KRT8: variants seen among roughly 807,000 people sequenced by gnomAD.
KRT8 encodes keratin, type II cytoskeletal 8.
In KRT8, 24 loss-of-function variants were observed where a neutral mutation model predicts 43.0. The ratio of observed to expected loss-of-function variants is 0.56; its 90% CI spans 0.40 to 0.78. KRT8 has a LOEUF of 0.78. KRT8 is among the 30% of genes least tolerant of loss of function. The probability of loss-of-function intolerance (pLI) is 0.00; values close to 1 mark genes in which losing one functional copy is unlikely to be tolerated. For missense variants in KRT8, 492 were observed against 638.4 expected, an observed-to-expected ratio of 0.77 and a Z score of 2.47; for synonymous variants, 214 against 261.2, an observed-to-expected ratio of 0.82 and a Z score of 1.74.
chr12:52,945,780 T>C (rs1428325999), intron 2 of KRT8, among the ~76,000 whole-genome samples: 1 of 152,080 alleles, frequency 6.6e-6, no homozygotes. Flanking sequence ...CTCATTACTC[T>C]TTGTGTCTGT....
chr12:52,934,000 C>A (rs1432401875), intron 2 of KRT8, among the ~76,000 whole-genome samples: 1 of 146,652 alleles, frequency 6.8e-6, no homozygotes, highest in Non-Finnish European at 1.5e-5. Context: ...GAGGCCGAGG[C>A]GGGTGGATCA....
At chr12:52,936,566 G>A (rs1466531949) in intron 2 of KRT8, among the ~76,000 whole-genome samples, 1 of 152,182 alleles carries the variant, frequency 6.6e-6, no homozygotes, top group Non-Finnish European at 1.5e-5. Flanking sequence ...AGGCTGGAGT[G>A]CAATGGCGCA....
At chr12:52,946,865 A>G (rs1426802241) in intron 2 of KRT8, 1 of 152,214 alleles carries the variant, frequency 6.6e-6, no homozygotes, top group Non-Finnish European at 1.5e-5. Context: ...GCTGGCTCCC[A>G]TTGAGCACTG....
intron 2 of KRT8, among the ~76,000 whole-genome samples, chr12:52,921,194 C>T (rs1372670505): frequency 6.6e-6 from 1 of 152,208 alleles, no homozygotes; most frequent in Non-Finnish European, 1.5e-5. Context: ...CCCTACAGAA[C>T]TCCAGGCAGA....
At chr12:52,900,271 G>C (rs922856013) in intron 4 of KRT8, among the ~76,000 whole-genome samples, 3 of 152,172 alleles carry the variant, frequency 2.0e-5, no homozygotes, top group Non-Finnish European at 2.9e-5. Flanking sequence ...GCAGCTCAAA[G>C]ATTAGGAACA....
chr12:52,925,752 C>A (rs944101959), intron 2 of KRT8, among the ~76,000 whole-genome samples: 1 of 152,142 alleles, frequency 6.6e-6, no homozygotes, highest in African/African-American at 2.4e-5. Flanking sequence ...TTCCTGAGTT[C>A]TAGGGTTTAT....
chr12:52,923,072 T>A (rs1473999632), intron 2 of KRT8, among the ~76,000 whole-genome samples: 1 of 152,142 alleles, frequency 6.6e-6, no homozygotes, highest in East Asian at 1.9e-4. Context: ...CTCCCACTCG[T>A]CCTGTGAACT....
intron 2 of KRT8, among the ~76,000 whole-genome samples, chr12:52,938,763 G>A (rs1942220358): frequency 6.6e-6 from 1 of 152,098 alleles, no homozygotes; most frequent in Admixed American, 6.6e-5. Context: ...GACTACAGGT[G>A]CCTGCCACCA....
intron 2 of KRT8, among the ~76,000 whole-genome samples, chr12:52,938,153 TATATATATATA>T (rs1942202051): frequency 3.9e-4 from 18 of 46,542 alleles, no homozygotes; most frequent in Non-Finnish European, 6.1e-4. Context: ...TATATATATA[TATATATATATA>T]TATATATTTT....
rs549373668 is a variant in KRT8 at position 52,900,478 on chromosome 12, C to G, written c.690+110G>C. ...GTGGCTGTAATTAGTCAGCAGTGGG[C>G]CTTTGTCTTATTAGTGTGCTGGGGG... On this transcript the variant is annotated intron_variant, in intron 4 of 7. Coordinates refer to ENST00000692008, the Ensembl canonical transcript of KRT8. The G allele has an allele frequency of 8.5e-5, 65 of 765,598 alleles. No homozygotes were observed. The South Asian group carries it at 8.7e-4, about 10-fold the overall frequency. 47.4% of individuals were successfully genotyped at this position (765,598 alleles called of 1,614,324 possible). A position where few individuals can be genotyped will look rare whatever the true frequency, so the allele number is the denominator to read the frequency against.
At chr12:52,949,092 T>C in intron 2 of KRT8, 3 of 1,357,654 alleles carry the variant, frequency 2.2e-6, no homozygotes, top group Non-Finnish European at 3.2e-6. Flanking sequence ...CTCTGCGATA[T>C]AACTCGGGTC....
At chr12:52,918,372 C>G (rs920224839) in intron 2 of KRT8, among the ~76,000 whole-genome samples, 2 of 152,136 alleles carry the variant, frequency 1.3e-5, no homozygotes, top group Non-Finnish European at 2.9e-5. Flanking sequence ...TGCAGGCCTA[C>G]TGTATGCGCT....
chr12:52,928,733 C>T (rs1859271017), intron 2 of KRT8, among the ~76,000 whole-genome samples: 1 of 152,116 alleles, frequency 6.6e-6, no homozygotes, highest in African/African-American at 2.4e-5. Flanking sequence ...AGTGAAACCC[C>T]ATCTCTACTA....
chr12:52,920,763 C>G (rs1198647580), intron 2 of KRT8, among the ~76,000 whole-genome samples: 1 of 152,226 alleles, frequency 6.6e-6, no homozygotes, highest in Non-Finnish European at 1.5e-5. Context: ...TGTGCCCAGC[C>G]AGGCACAGTG....
chr12:52,926,062 G>T (rs1941983680), intron 2 of KRT8, among the ~76,000 whole-genome samples: 1 of 152,060 alleles, frequency 6.6e-6, no homozygotes, highest in Non-Finnish European at 1.5e-5. Context: ...GGCCCCCTCT[G>T]CAGAGTGGAA....
At chr12:52,911,053 T>C (rs1370702545), upstream of KRT8, among the ~76,000 whole-genome samples, 1 of 152,132 alleles carries the variant, frequency 6.6e-6, no homozygotes, top group African/African-American at 2.4e-5. Flanking sequence ...AAAGTCCCTG[T>C]TGAGAAGTGA....
At chr12:52,931,715 T>G (rs1306517149) in intron 2 of KRT8, among the ~76,000 whole-genome samples, 1 of 151,938 alleles carries the variant, frequency 6.6e-6, no homozygotes, top group Non-Finnish European at 1.5e-5. Context: ...CAGGCTGGAT[T>G]GCAGTGATGT....
chr12:52,934,912 T>C (rs1323350246), intron 2 of KRT8, among the ~76,000 whole-genome samples: 7 of 151,638 alleles, frequency 4.6e-5, no homozygotes, highest in African/African-American at 1.7e-4. Context: ...GAGGTTGCAG[T>C]GAGCCGAGGT....
In KRT8 at chr12:52,898,863, G is replaced by A; in HGVS notation, c.1018C>T (p.Gln340Ter). 1 of 1,613,368 alleles carries A rather than the reference G, an allele frequency of 6.2e-7. No homozygotes were observed. The highest frequency in any genetic ancestry group is 1.3e-5 in the African/African-American group (1 of 75,050). Residue 340 changes from glutamine (Q) to a stop codon, truncating the protein, a stop_gained, in exon 6 of 8, where the codon CAG (glutamine) becomes TAG (stop). Transcript: ENST00000692008. LOFTEE classifies it high-confidence loss of function. ...TCCTTAATGGCCAGCTCTCCACGCT[G>A]CTCGGCATCTGCAATGGCGGCCTCC...
Sources: gnomAD v4.1 joint callset for allele counts (sites outside exome capture counted in the v4.1 genomes callset) on GRCh38, gnomAD v4.1.1 for gene constraint, MANE v1.5 for transcripts, NCBI Gene and HGNC (gene_info 2026-07-23, HGNC 2026-07-21) for gene names.